CNTNAP5: variants seen among roughly 807,000 people sequenced by gnomAD.
CNTNAP5 encodes contactin-associated protein-like 5.
Under a neutral mutation model 150.2 loss-of-function variants are expected in CNTNAP5, and 72 were observed. The ratio of observed to expected loss-of-function variants is 0.48; its 90% CI spans 0.40 to 0.58. CNTNAP5 has a LOEUF of 0.58. Among genes scored for constraint, CNTNAP5 ranks in the 20% least tolerant of loss-of-function variants. CNTNAP5 has a pLI of 0.00. For missense variants in CNTNAP5, 1,636 were observed against 1,626.2 expected, an observed-to-expected ratio of 1.01 and a Z score of -0.10; for synonymous variants, 672 against 619.8, an observed-to-expected ratio of 1.08 and a Z score of -1.25.
chr2:124,613,819 T>C (rs550211030), intron 12 of CNTNAP5, among the ~76,000 whole-genome samples: 1 of 152,312 alleles, frequency 6.6e-6, no homozygotes, highest in Non-Finnish European at 1.5e-5. Context: ...CCATAATCTC[T>C]GTGAAAGGAA....
At chr2:124,838,259 T>C (rs1682870191) in intron 19 of CNTNAP5, among the ~76,000 whole-genome samples, 1 of 152,134 alleles carries the variant, frequency 6.6e-6, no homozygotes. Flanking sequence ...TTATATACAT[T>C]TTGCACATAG....
intron 17 of CNTNAP5, among the ~76,000 whole-genome samples, chr2:124,779,217 T>A (rs1308753313): frequency 3.3e-5 from 5 of 152,180 alleles, no homozygotes; most frequent in African/African-American, 4.8e-5. Flanking sequence ...GGGATTCACA[T>A]CCAGTGACTG....
chr2:124,065,510 G>A (rs1682131414), intron 1 of CNTNAP5, among the ~76,000 whole-genome samples: 1 of 152,138 alleles, frequency 6.6e-6, no homozygotes, highest in Admixed American at 6.6e-5. Context: ...GTAGAGACAT[G>A]AATGAGTCAC....
At position 124,830,039 on chromosome 2, in the gene CNTNAP5, T is replaced by C. The variant is rs147905097; in HGVS notation, c.3217+31719T>C. On this transcript the variant is annotated intron_variant, in intron 19 of 23. Coordinates refer to ENST00000682447, the MANE Select transcript of CNTNAP5 (RefSeq NM_001367498.1). The stretch of plus-strand genomic sequence containing the variant: ...ACCATATTAGATTTCTATGAATTTA[T>C]ATATTTTATGTGATTTATAGCAATA... Among the ~76,000 whole-genome samples the C allele has an allele frequency of 3.6e-3, 547 of 151,830 alleles. 2 individuals are homozygous for C. The highest frequency in any genetic ancestry group is 6.0e-3 in the South Asian group (29 of 4,808).
chr2:124,703,522 A>G (rs780866611), intron 13 of CNTNAP5, among the ~76,000 whole-genome samples: 1 of 152,186 alleles, frequency 6.6e-6, no homozygotes, highest in Non-Finnish European at 1.5e-5. Context: ...AAAGTTTTTT[A>G]TGTTCAAACA....
At chr2:124,642,529 C>A (rs1678114675) in intron 12 of CNTNAP5, among the ~76,000 whole-genome samples, 1 of 152,168 alleles carries the variant, frequency 6.6e-6, no homozygotes, top group South Asian at 2.1e-4. Context: ...CCACTCTTGA[C>A]CTTGGAAGTT....
chr2:124,859,151 T>C (rs1217016022), intron 19 of CNTNAP5, among the ~76,000 whole-genome samples: 2 of 151,558 alleles, frequency 1.3e-5, no homozygotes, highest in African/African-American at 2.4e-5. Context: ...ATTTTTGCAA[T>C]CTACTCATCT....
intron 1 of CNTNAP5, among the ~76,000 whole-genome samples, chr2:124,066,159 A>G (rs1308360681): frequency 6.6e-6 from 1 of 151,984 alleles, no homozygotes; most frequent in Non-Finnish European, 1.5e-5. Context: ...AAGTAGGGTT[A>G]ATGGGTAGGG....
intron 1 of CNTNAP5, among the ~76,000 whole-genome samples, chr2:124,215,712 C>CAAAAAAAAAAAGAAA (rs1686139345): frequency 1.2e-5 from 1 of 82,058 alleles, no homozygotes; most frequent in Non-Finnish European, 2.5e-5. Context: ...AGAAGAAAGG[C>CAAAAAAAAAAAGAAA]AAAAAAAAAA....
chr2:124,704,808 G>A (rs1679599684), intron 13 of CNTNAP5, among the ~76,000 whole-genome samples: 1 of 151,930 alleles, frequency 6.6e-6, no homozygotes, highest in African/African-American at 2.4e-5. Context: ...GTTAAACCAT[G>A]TGCTTTCTAT....
chr2:124,844,377 A>G (rs898703192), intron 19 of CNTNAP5, among the ~76,000 whole-genome samples: 1 of 151,932 alleles, frequency 6.6e-6, no homozygotes, highest in Non-Finnish European at 1.5e-5. Context: ...CTATGTGCCT[A>G]TTTCTGTACT....
At chr2:124,774,417 A>T (rs1681276259) in intron 17 of CNTNAP5, among the ~76,000 whole-genome samples, 1 of 152,184 alleles carries the variant, frequency 6.6e-6, no homozygotes, top group South Asian at 2.1e-4. Context: ...TCTCTTCTCA[A>T]CAGGAACCAT....
rs570470276 is a variant in CNTNAP5 at position 124,315,259 on chromosome 2, G to A, written c.381+72866G>A. ...TACAGGGCATGAGCCACCACGCTGAGCCCCTAATACGCCTTTCTGTCTGGT... is the reference window on the plus strand; with the variant it reads ...TACAGGGCATGAGCCACCACGCTGAACCCCTAATACGCCTTTCTGTCTGGT... On this transcript the variant is annotated intron_variant, in intron 3 of 23. Coordinates refer to ENST00000682447, the MANE Select transcript of CNTNAP5 (RefSeq NM_001367498.1). 1.2e-4 allele frequency among the ~76,000 whole-genome samples: 19 copies of A among 152,242 alleles called. No individual in the cohort carries two copies. The East Asian group carries it at 2.1e-3, about 17-fold the overall frequency.
chr2:124,586,273 T>C (rs1361052057), intron 11 of CNTNAP5, among the ~76,000 whole-genome samples: 1 of 152,224 alleles, frequency 6.6e-6, no homozygotes, highest in African/African-American at 2.4e-5. Context: ...TTTGTACTGA[T>C]GATTTGATCT....
At chr2:124,060,065 C>G (rs1681964170) in intron 1 of CNTNAP5, among the ~76,000 whole-genome samples, 1 of 152,122 alleles carries the variant, frequency 6.6e-6, no homozygotes, top group Non-Finnish European at 1.5e-5. Flanking sequence ...GTGTCCATAA[C>G]CTCTAAGGCT....
In CNTNAP5 at chr2:124,814,026, A is replaced by G. The variant is rs1682295437; in HGVS notation, c.3217+15706A>G. Among the ~76,000 whole-genome samples, 8 of 151,824 alleles carry G rather than the reference A, an allele frequency of 5.3e-5. No individual in the cohort carries two copies. In the South Asian group the frequency reaches 1.7e-3, roughly 32 times the overall value. The stretch of plus-strand genomic sequence containing the variant: ...TTAAAAATTCAAATATATTCATGTC[A>G]CTTATTTTTTGATAGCTTCCCATTG... On this transcript the variant is annotated intron_variant, in intron 19 of 23. Coordinates refer to ENST00000682447, the MANE Select transcript of CNTNAP5 (RefSeq NM_001367498.1).
chr2:124,238,087 G>C (rs999119449), intron 2 of CNTNAP5, among the ~76,000 whole-genome samples: 2 of 152,114 alleles, frequency 1.3e-5, no homozygotes, highest in African/African-American at 4.8e-5. Context: ...TGAGATACTG[G>C]AAACAATGTC....
Position 124,647,817 on chromosome 2 carries a change from G to A in CNTNAP5, c.1936G>A (p.Ala646Thr), listed in dbSNP as rs763503706. 1.9e-5 allele frequency: 31 copies of A among 1,613,244 alleles called. No individual in the cohort carries two copies. The highest frequency in any genetic ancestry group is 3.3e-5 in the Admixed American group (2 of 59,942). ...NNTELTRVRG[A>T]NPEKPYAMAL... ...TACAGAGCTGACCCGAGTGCGGGGC[G>A]CTAACCCTGAGAAGCCCTATGCCAT... The change falls in exon 13 of 24, where the codon GCT becomes ACT. Residue 646 changes from alanine to threonine, a missense_variant. Transcript: ENST00000682447.
Position 124,769,405 on chromosome 2 carries a change from G to C in CNTNAP5, c.2534-3394G>C, listed in dbSNP as rs545489908. Among the ~76,000 whole-genome samples the C allele has an allele frequency of 6.2e-4, 94 of 152,166 alleles. 1 individual carries two copies. Among genetic ancestry groups the C allele is most frequent in the Admixed American group, 5.9e-4 (9 of 15,266 alleles). On this transcript the variant is annotated intron_variant, in intron 16 of 23. Transcript: ENST00000682447. ...GCTTGAAAAAAAAATGCCCTGAAAG[G>C]CTAAGACTCCTTAGTTTTGCCTTGA...
Sources: gnomAD v4.1 joint callset for allele counts (sites outside exome capture counted in the v4.1 genomes callset) on GRCh38, gnomAD v4.1.1 for gene constraint, MANE v1.5 for transcripts, NCBI Gene and HGNC (gene_info 2026-07-23, HGNC 2026-07-21) for gene names.